SYNPO2: variants seen among roughly 807,000 people sequenced by gnomAD.
SYNPO2 encodes synaptopodin-2.
Under a neutral mutation model 85.0 loss-of-function variants are expected in SYNPO2, and 56 were observed. That is an observed-to-expected ratio of 0.66 (90% confidence interval 0.53 to 0.82). The LOEUF (loss-of-function observed/expected upper bound fraction) is 0.82. Among genes scored for constraint, SYNPO2 ranks in the 40% least tolerant of loss-of-function variants. The pLI is 0.00. For missense variants in SYNPO2, 1,575 were observed against 1,534.2 expected, an observed-to-expected ratio of 1.03 and a Z score of -0.44; for synonymous variants, 602 against 591.1, an observed-to-expected ratio of 1.02 and a Z score of -0.27.
intron 1 of SYNPO2, among the ~76,000 whole-genome samples, chr4:118,912,030 A>T (rs1312539682): frequency 6.6e-6 from 1 of 152,220 alleles, no homozygotes. Flanking sequence ...AATTTGAAAG[A>T]GATATCTCTT....
chr4:118,854,681 A>G (rs1731476063), intron 1 of SYNPO2, among the ~76,000 whole-genome samples: 1 of 152,154 alleles, frequency 6.6e-6, no homozygotes, highest in African/African-American at 2.4e-5. Flanking sequence ...AAATTAACAA[A>G]CATATAAAGG....
chr4:118,970,138 G>A (rs1578597162), intron 1 of SYNPO2, among the ~76,000 whole-genome samples: 2 of 152,102 alleles, frequency 1.3e-5, no homozygotes, highest in African/African-American at 4.8e-5. Context: ...CCTAGCAAAA[G>A]CTTTATCTGA....
In SYNPO2 at chr4:118,941,071, G is replaced by T. The variant is rs140841485; in HGVS notation, c.105+51930G>T. On this transcript the variant is annotated intron_variant, in intron 1 of 4. Coordinates refer to ENST00000307142, the MANE Select transcript of SYNPO2 (RefSeq NM_133477.3). ...GCTCCAGAGCAGCACATCCAACTGAGTATTGGACATGTCGACTTTCATGTC... is the reference window on the plus strand; with the variant it reads ...GCTCCAGAGCAGCACATCCAACTGATTATTGGACATGTCGACTTTCATGTC... 3.9e-4 allele frequency among the ~76,000 whole-genome samples: 60 copies of T among 152,224 alleles called. No homozygotes were observed. In the East Asian group the frequency reaches 0.011, roughly 27 times the overall value.
rs574551179 is a variant in SYNPO2, at chr4:119,011,301, A to G, written c.106-12129A>G. ...AGCGCCTCACTCTACTTCGATGCAT[A>G]TGTTTATCTCCATAAATTGCAACCA... On this transcript the variant is annotated intron_variant, in intron 1 of 4. Transcript: ENST00000307142. Among the ~76,000 whole-genome samples, 10 of 152,056 alleles carry G rather than the reference A, an allele frequency of 6.6e-5. No individual in the cohort carries two copies. The South Asian group carries it at 2.1e-3, about 32-fold the overall frequency.
intron 1 of SYNPO2, among the ~76,000 whole-genome samples, chr4:118,972,370 G>C (rs9998915): frequency 0.69 from 105,315 of 151,844 alleles, 36,839 homozygotes; most frequent in South Asian, 0.79. Context: ...CTTCAGTCCA[G>C]GAGGTGGAAG....
At chr4:118,953,941 T>C (rs1264177454) in intron 1 of SYNPO2, among the ~76,000 whole-genome samples, 1 of 152,190 alleles carries the variant, frequency 6.6e-6, no homozygotes, top group Non-Finnish European at 1.5e-5. Context: ...GCAAAATCTA[T>C]GTCATGTGCT....
At chr4:118,866,145 G>GC in intron 1 of SYNPO2, among the ~76,000 whole-genome samples, 1 of 152,232 alleles carries the variant, frequency 6.6e-6, no homozygotes, top group East Asian at 1.9e-4. Flanking sequence ...TGTCTTTGTA[G>GC]CCCATAGTTT....
At chr4:119,004,232 A>T (rs59685594) in intron 1 of SYNPO2, among the ~76,000 whole-genome samples, 131 of 150,372 alleles carry the variant, frequency 8.7e-4, no homozygotes, top group South Asian at 4.4e-3. Context: ...ACCTTTTTTT[A>T]AAAAAAAGTA....
chr4:118,873,021 C>G (rs1371362067), intron 1 of SYNPO2, among the ~76,000 whole-genome samples: 2 of 152,070 alleles, frequency 1.3e-5, no homozygotes, highest in East Asian at 3.9e-4. Context: ...TTTTATGGCT[C>G]AATAGTATTC....
chr4:118,963,966 C>T (rs1735203281), intron 1 of SYNPO2, among the ~76,000 whole-genome samples: 1 of 152,184 alleles, frequency 6.6e-6, no homozygotes, highest in Non-Finnish European at 1.5e-5. Flanking sequence ...TAATCAAATA[C>T]TGGCCAGGTG....
intron 1 of SYNPO2, among the ~76,000 whole-genome samples, chr4:118,924,459 A>G (rs7661292): frequency 0.19 from 29,637 of 152,190 alleles, 2,991 homozygotes; most frequent in African/African-American, 0.25. Context: ...TTCCCCAAAC[A>G]TGCATTCTGT....
At chr4:118,976,957 C>T (rs1278483158) in intron 1 of SYNPO2, among the ~76,000 whole-genome samples, 2 of 152,212 alleles carry the variant, frequency 1.3e-5, no homozygotes, top group Non-Finnish European at 2.9e-5. Flanking sequence ...CTCCACGTCC[C>T]CACCAGACTC....
Position 119,031,825 on chromosome 4 carries a change from C to G in SYNPO2, c.3050C>G (p.Thr1017Arg). Residue 1017 changes from threonine (T) to arginine (R), a missense_variant, in exon 4 of 5, where the codon ACG becomes AGG. This residue lies in a region of SYNPO2 where 1,508 missense variants were observed against 1,446.8 expected (regional missense o/e 1.04). Transcript: ENST00000307142. ...CGGCCAGTGAATGCTGCCTCACCTA[C>G]GAATGTGCAGGCTTCGTCAGTGTAC... ...PPRPVNAASP[T>R]NVQASSVYSV... 2.5e-6 allele frequency: 4 copies of G among 1,614,232 alleles called. No individual in the cohort carries two copies. The highest frequency in any genetic ancestry group is 3.4e-6 in the Non-Finnish European group (4 of 1,180,032).
At chr4:119,022,195 G>A (rs1357798845) in intron 1 of SYNPO2, among the ~76,000 whole-genome samples, 2 of 152,066 alleles carry the variant, frequency 1.3e-5, no homozygotes, top group East Asian at 3.8e-4. Context: ...CCTCAAACAA[G>A]TTGCCCCGTC....
At chr4:118,854,809 C>T (rs941714746) in intron 1 of SYNPO2, among the ~76,000 whole-genome samples, 2 of 152,074 alleles carry the variant, frequency 1.3e-5, no homozygotes, top group Non-Finnish European at 2.9e-5. Flanking sequence ...TTTGTACATA[C>T]ACACAGAGTA....
intron 1 of SYNPO2, among the ~76,000 whole-genome samples, chr4:118,895,774 C>CA (rs1176393025): frequency 6.6e-6 from 1 of 152,208 alleles, no homozygotes; most frequent in Non-Finnish European, 1.5e-5. Flanking sequence ...GTGACATACA[C>CA]ATTATACCTA....
intron 1 of SYNPO2, among the ~76,000 whole-genome samples, chr4:118,881,867 A>G (rs551997397): frequency 1.2e-3 from 176 of 152,332 alleles, no homozygotes; most frequent in Non-Finnish European, 2.1e-3. Context: ...ATTCCTGGAA[A>G]CCACACAAGT....
At chr4:118,931,803 C>T (rs1228884349) in intron 1 of SYNPO2, among the ~76,000 whole-genome samples, 1 of 152,156 alleles carries the variant, frequency 6.6e-6, no homozygotes, top group Non-Finnish European at 1.5e-5. Flanking sequence ...ATAAATGCCT[C>T]AGGCTTTTAT....
At chr4:119,010,163 A>G (rs903864694) in intron 1 of SYNPO2, among the ~76,000 whole-genome samples, 4 of 152,212 alleles carry the variant, frequency 2.6e-5, no homozygotes, top group Non-Finnish European at 5.9e-5. Context: ...GTTAGGCTCT[A>G]TGACTTTGCC....
Sources: allele counts gnomAD v4.1 joint callset (sites outside exome capture counted in the v4.1 genomes callset), GRCh38; gene constraint gnomAD v4.1.1; regional missense constraint gnomAD v4.1.1; transcripts MANE v1.5; gene names NCBI Gene and HGNC (gene_info 2026-07-23, HGNC 2026-07-21).